Variants in FSTL5 observed in about 807,000 individuals in gnomAD.
FSTL5 encodes follistatin like 5.
In FSTL5, 62 loss-of-function variants were observed where a neutral mutation model predicts 89.1. The observed-to-expected ratio is 0.70, with a 90% confidence interval of 0.57 to 0.86. The LOEUF is 0.86. FSTL5 is among the 40% of genes least tolerant of loss of function. The probability of loss-of-function intolerance (pLI) is 0.00; values close to 1 mark genes in which losing one functional copy is unlikely to be tolerated. For synonymous variants in FSTL5, 383 were observed against 346.2 expected, an observed-to-expected ratio of 1.11 and a Z score of -1.18; for missense variants, 1,057 against 1,001.6, an observed-to-expected ratio of 1.06 and a Z score of -0.75.
intron 4 of FSTL5, among the ~76,000 whole-genome samples, chr4:161,856,515 T>C (rs1218331575): frequency 6.6e-6 from 1 of 151,982 alleles, no homozygotes; most frequent in Non-Finnish European, 1.5e-5. Flanking sequence ...GGCATGTATT[T>C]TGCTAGGTAC....
At chr4:161,722,072 T>C (rs1271361743) in intron 6 of FSTL5, among the ~76,000 whole-genome samples, 2 of 152,178 alleles carry the variant, frequency 1.3e-5, no homozygotes, top group East Asian at 1.9e-4. Flanking sequence ...GATGTCTTTT[T>C]CTTTCATTTC....
intron 6 of FSTL5, among the ~76,000 whole-genome samples, chr4:161,659,187 G>A (rs1439154361): frequency 6.6e-6 from 1 of 152,018 alleles, no homozygotes; most frequent in Non-Finnish European, 1.5e-5. Context: ...TCATGTTATG[G>A]CTACATTTTA....
chr4:161,608,327 T>C (rs1734523493), intron 7 of FSTL5, among the ~76,000 whole-genome samples: 1 of 152,146 alleles, frequency 6.6e-6, no homozygotes, highest in South Asian at 2.1e-4. Context: ...ATTTTATAAT[T>C]GCTTCTAACA....
At chr4:161,697,378 C>G (rs1228038744) in intron 6 of FSTL5, among the ~76,000 whole-genome samples, 1 of 152,032 alleles carries the variant, frequency 6.6e-6, no homozygotes, top group Non-Finnish European at 1.5e-5. Flanking sequence ...AAAATATTTC[C>G]TGGAGATTTG....
chr4:161,623,274 A>G (rs1179358055), intron 7 of FSTL5, among the ~76,000 whole-genome samples: 4 of 152,012 alleles, frequency 2.6e-5, no homozygotes, highest in Non-Finnish European at 5.9e-5. Context: ...TCCAGGTGGT[A>G]CAATAAGTCA....
intron 10 of FSTL5, among the ~76,000 whole-genome samples, chr4:161,528,273 T>C (rs1231825610): frequency 7.0e-6 from 1 of 141,952 alleles, no homozygotes; most frequent in African/African-American, 2.5e-5. Flanking sequence ...TGTGCACATG[T>C]ACCCTAAAAC....
intron 1 of FSTL5, among the ~76,000 whole-genome samples, chr4:162,123,879 A>T (rs1224367329): frequency 6.6e-6 from 1 of 151,668 alleles, no homozygotes; most frequent in Non-Finnish European, 1.5e-5. Context: ...AAAAAAAAAA[A>T]CTGAAGAAAG....
intron 15 of FSTL5, among the ~76,000 whole-genome samples, chr4:161,416,965 T>C (rs185709361): frequency 6.6e-6 from 1 of 152,282 alleles, no homozygotes; most frequent in East Asian, 1.9e-4. Flanking sequence ...CTATCTCTTT[T>C]CTATTAATCT....
At chr4:161,684,706 T>A (rs1220166701) in intron 6 of FSTL5, among the ~76,000 whole-genome samples, 1 of 152,216 alleles carries the variant, frequency 6.6e-6, no homozygotes, top group Non-Finnish European at 1.5e-5. Flanking sequence ...TTTCTCCTAC[T>A]CTCTGGGTTG....
intron 15 of FSTL5, among the ~76,000 whole-genome samples, chr4:161,430,466 T>C (rs976754570): frequency 4.6e-5 from 7 of 151,946 alleles, no homozygotes; most frequent in African/African-American, 1.7e-4. Context: ...CCTGGCCAGG[T>C]GTGGTGGCTC....
chr4:162,098,556 G>A (rs1382823712), intron 2 of FSTL5, among the ~76,000 whole-genome samples: 2 of 151,914 alleles, frequency 1.3e-5, no homozygotes, highest in African/African-American at 4.8e-5. Context: ...GTTATTTTGT[G>A]GATATCAATA....
chr4:161,864,883 A>AAG (rs1732031804), intron 4 of FSTL5, among the ~76,000 whole-genome samples: 1 of 151,828 alleles, frequency 6.6e-6, no homozygotes. Context: ...AAAAAAAAAA[A>AAG]AAAAAAAGCA....
chr4:161,538,492 TAA>T, intron 9 of FSTL5, among the ~76,000 whole-genome samples, 192 bp from the exon 10 acceptor site: 1 of 152,316 alleles, frequency 6.6e-6, no homozygotes, highest in East Asian at 1.9e-4. Context: ...TGTCATTCTA[TAA>T]GAGAGCCCAA....
At chr4:161,995,983 G>A (rs1009034542) in intron 3 of FSTL5, among the ~76,000 whole-genome samples, 10 of 151,896 alleles carry the variant, frequency 6.6e-5, no homozygotes, top group Non-Finnish European at 1.2e-4. Context: ...GATACAAAGC[G>A]CTTTATTAGC....
chr4:161,593,341 C>T (rs35020568), intron 7 of FSTL5, among the ~76,000 whole-genome samples: 26,238 of 152,012 alleles, frequency 0.17, 2,367 homozygotes, highest in Middle Eastern at 0.32. Flanking sequence ...ATATTTCTGG[C>T]TTTACCTATA....
chr4:162,036,034 T>C (rs971379448), intron 2 of FSTL5, among the ~76,000 whole-genome samples: 3 of 152,114 alleles, frequency 2.0e-5, no homozygotes, highest in Admixed American at 6.6e-5. Context: ...CCTTTACTGC[T>C]TCCTCTTTTC....
At chr4:161,581,516 T>C (rs1031978057) in intron 8 of FSTL5, among the ~76,000 whole-genome samples, 2 of 152,108 alleles carry the variant, frequency 1.3e-5, no homozygotes, top group African/African-American at 2.4e-5. Context: ...TATGACCAAA[T>C]GAGGAAGCTG....
intron 6 of FSTL5, among the ~76,000 whole-genome samples, chr4:161,698,233 G>A (rs548082108): frequency 3.3e-5 from 5 of 152,090 alleles, no homozygotes; most frequent in African/African-American, 1.2e-4. Context: ...CTGGCACCTC[G>A]ATCTAGGACT....
chr4:161,570,872 T>C (rs1187923941), intron 8 of FSTL5, among the ~76,000 whole-genome samples: 2 of 151,932 alleles, frequency 1.3e-5, no homozygotes, highest in African/African-American at 4.8e-5. Flanking sequence ...TCCCAGCACT[T>C]TGGGAGGCTG....
Sources: allele counts gnomAD v4.1 joint callset (sites outside exome capture counted in the v4.1 genomes callset), GRCh38; gene constraint gnomAD v4.1.1; transcripts MANE v1.5; gene names NCBI Gene and HGNC (gene_info 2026-07-23, HGNC 2026-07-21).